BMP2K: variants seen among roughly 807,000 people sequenced by gnomAD.
BMP2K encodes BMP2 inducible kinase.
A neutral mutation model predicts 116.0 loss-of-function variants in BMP2K; 74 were observed. The ratio of observed to expected loss-of-function variants is 0.64; its 90% CI spans 0.53 to 0.77. The LOEUF is 0.77. Among genes scored for constraint, BMP2K ranks in the 30% least tolerant of loss-of-function variants. BMP2K has a pLI of 0.00. For missense variants in BMP2K, 1,365 were observed against 1,403.6 expected (o/e 0.97, Z 0.44); for synonymous variants, 486 against 502.5 (o/e 0.97, Z 0.44).
chr4:78,779,023 A>G (rs1397375196), intron 1 of BMP2K, among the ~76,000 whole-genome samples: 1 of 152,228 alleles, frequency 6.6e-6, no homozygotes, highest in East Asian at 1.9e-4. Context: ...ATGCTCCTGC[A>G]AACATTGGTA....
intron 4 of BMP2K, among the ~76,000 whole-genome samples, chr4:78,843,177 A>C (rs992933697): frequency 6.6e-6 from 1 of 151,948 alleles, no homozygotes; most frequent in African/African-American, 2.4e-5. Context: ...AAGAACACTG[A>C]GATTACAAAA....
rs779976987 is a variant in BMP2K at position 78,826,117 on chromosome 4, C to A, written c.259C>A (p.Pro87Thr). 9.3e-6 allele frequency: 15 copies of A among 1,613,272 alleles called. No individual in the cohort carries two copies. In the Admixed American group the frequency reaches 1.0e-4, roughly 11 times the overall value. The part of the protein sequence containing the change: ...ALKRMYVNNM[P>T]DLNVCKREIT... ...GAAGCGAATGTATGTCAATAACATG[C>A]CAGACCTCAATGTTTGTAAAAGGGA... is the stretch of plus-strand genomic sequence containing the variant. The change falls in exon 2 of 16, where the codon CCA (proline) becomes ACA (threonine). Residue 87 changes from proline to threonine, a missense_variant. Around this residue, in one of 3 missense-constraint regions of BMP2K, gnomAD observed 762 missense variants for 756.7 expected, o/e 1.01. Coordinates refer to ENST00000502613, the MANE Select transcript of BMP2K (RefSeq NM_198892.2).
chr4:78,778,962 A>C (rs867129321), intron 1 of BMP2K, among the ~76,000 whole-genome samples: 8 of 152,342 alleles, frequency 5.3e-5, no homozygotes, highest in Admixed American at 2.6e-4. Context: ...AAAGTTGTTT[A>C]AACAGAGCCA....
rs749258535 is a variant in BMP2K at position 78,833,567 on chromosome 4, T to A, written c.298-15T>A. On this transcript the variant is annotated splice_polypyrimidine_tract_variant and intron_variant, in intron 2 of 15. Transcript: ENST00000502613. Reference sequence around the variant, plus strand: ...ATGTACATTTTCCAGTTTTCATTTTTTTTTTTCTTTCCAGAAAGAGCTATC... The same window carrying A: ...ATGTACATTTTCCAGTTTTCATTTTATTTTTTCTTTCCAGAAAGAGCTATC... The A allele has an allele frequency of 7.8e-6, 12 of 1,534,534 alleles. No homozygotes were observed. In the South Asian group the frequency reaches 1.4e-4, roughly 18 times the overall value.
intron 1 of BMP2K, among the ~76,000 whole-genome samples, chr4:78,780,605 C>T (rs755854296): frequency 2.0e-5 from 3 of 151,950 alleles, no homozygotes; most frequent in African/African-American, 4.8e-5. Flanking sequence ...GTTCACATTC[C>T]GAAGAGAAGA....
At chr4:78,795,806 G>A (rs1728233091) in intron 1 of BMP2K, among the ~76,000 whole-genome samples, 1 of 152,130 alleles carries the variant, frequency 6.6e-6, no homozygotes, top group African/African-American at 2.4e-5. Flanking sequence ...CATCTCACTG[G>A]CCATCAGAGA....
intron 15 of BMP2K, among the ~76,000 whole-genome samples, chr4:78,908,010 TAAAA>T (rs1476304363): frequency 4.6e-5 from 7 of 152,184 alleles, no homozygotes; most frequent in Admixed American, 3.9e-4. Flanking sequence ...TAAAAATTCA[TAAAA>T]ATAAATTCAC....
intron 7 of BMP2K, among the ~76,000 whole-genome samples, chr4:78,858,943 G>C (rs1298233214): frequency 1.3e-5 from 2 of 151,792 alleles, no homozygotes; most frequent in Non-Finnish European, 2.9e-5. Flanking sequence ...AAAAGATCAG[G>C]CATTTCAAGC....
chr4:78,893,078 C>A (rs190182428), intron 15 of BMP2K, among the ~76,000 whole-genome samples: 2 of 152,346 alleles, frequency 1.3e-5, no homozygotes, highest in South Asian at 2.1e-4. Flanking sequence ...AGTAGAACTT[C>A]TTCCAAAATT....
chr4:78,904,394 CA>C (rs1244794571), intron 15 of BMP2K, among the ~76,000 whole-genome samples: 1 of 151,896 alleles, frequency 6.6e-6, no homozygotes, highest in Non-Finnish European at 1.5e-5. Context: ...ATTTCTGATT[CA>C]AGTACCATTT....
chr4:78,790,501 A>G (rs936402770), intron 1 of BMP2K, among the ~76,000 whole-genome samples: 1 of 152,222 alleles, frequency 6.6e-6, no homozygotes, highest in African/African-American at 2.4e-5. Context: ...AAAAAAATTT[A>G]TATTGTTTAG....
intron 1 of BMP2K, among the ~76,000 whole-genome samples, chr4:78,797,923 A>G (rs957210073): frequency 2.0e-5 from 3 of 152,102 alleles, no homozygotes; most frequent in Non-Finnish European, 4.4e-5. Context: ...CCTGGGCTCA[A>G]TTGAGGGATA....
chr4:78,785,101 TTTTTA>T (rs1231062253), intron 1 of BMP2K, among the ~76,000 whole-genome samples: 3 of 152,252 alleles, frequency 2.0e-5, no homozygotes, highest in Admixed American at 1.3e-4. Context: ...TATGAAATTA[TTTTTA>T]TTTTATTTTA....
chr4:78,794,893 TTATCTC>T (rs1284070662), intron 1 of BMP2K, among the ~76,000 whole-genome samples: 13 of 152,320 alleles, frequency 8.5e-5, no homozygotes, highest in African/African-American at 2.6e-4. Context: ...TGATTACTAT[TTATCTC>T]TAATCATAAG....
intron 15 of BMP2K, among the ~76,000 whole-genome samples, chr4:78,906,972 C>T (rs1475462736): frequency 1.3e-5 from 2 of 151,910 alleles, no homozygotes; most frequent in African/African-American, 4.8e-5. Context: ...AGGAGGGAAT[C>T]ATAGTATATA....
At chr4:78,798,405 T>C (rs1425315903) in intron 1 of BMP2K, among the ~76,000 whole-genome samples, 1 of 152,220 alleles carries the variant, frequency 6.6e-6, no homozygotes, top group Non-Finnish European at 1.5e-5. Context: ...GGAAAAGTTA[T>C]AGAAATACAT....
chr4:78,829,787 T>TTTTCTCTTCTCTTCTC (rs1730091260), intron 2 of BMP2K, among the ~76,000 whole-genome samples: 94 of 86,646 alleles, frequency 1.1e-3, no homozygotes, highest in East Asian at 2.5e-3. Flanking sequence ...TTTCTTTTCT[T>TTTTCTCTTCTCTTCTC]TTCTCTTCTC....
chr4:78,833,256 A>AT (rs1189688625), intron 2 of BMP2K, among the ~76,000 whole-genome samples: 4 of 152,102 alleles, frequency 2.6e-5, no homozygotes, highest in Non-Finnish European at 4.4e-5. Flanking sequence ...TATTTTTTAG[A>AT]TAAAAACAAA....
intron 15 of BMP2K, among the ~76,000 whole-genome samples, chr4:78,905,034 T>A (rs376847265): frequency 5.9e-5 from 9 of 152,048 alleles, no homozygotes; most frequent in East Asian, 5.8e-4. Context: ...AATATATGAA[T>A]GTATTCCTAT....
Sources: gnomAD v4.1 joint callset for allele counts (sites outside exome capture counted in the v4.1 genomes callset) on GRCh38, gnomAD v4.1.1 for gene constraint, gnomAD v4.1.1 regional missense constraint, MANE v1.5 for transcripts, NCBI Gene and HGNC (gene_info 2026-07-23, HGNC 2026-07-21) for gene names.